The following RAD51B variants were observed in gnomAD, a reference collection of about 807,000 sequenced individuals.
RAD51B encodes DNA repair protein RAD51 homolog 2.
In RAD51B, 38 loss-of-function variants were observed where a neutral mutation model predicts 42.2. That is an observed-to-expected ratio of 0.90 (90% CI 0.70 to 1.18). The LOEUF is 1.18. RAD51B is among the 50% of genes most tolerant of loss of function. The pLI is 0.00. For missense variants in RAD51B, 373 were observed against 400.7 expected (o/e 0.93, Z 0.59); for synonymous variants, 154 against 145.2 (o/e 1.06, Z -0.43).
chr14:67,927,778 C>G (rs2044576027), intron 7 of RAD51B, among the ~76,000 whole-genome samples: 1 of 140,930 alleles, frequency 7.1e-6, no homozygotes, highest in African/African-American at 3.1e-5. Context: ...TATATATACA[C>G]ATATATAATG....
intron 7 of RAD51B, among the ~76,000 whole-genome samples, chr14:68,060,180 T>C (rs985167989): frequency 2.0e-5 from 3 of 152,224 alleles, no homozygotes; most frequent in Non-Finnish European, 4.4e-5. Flanking sequence ...TTAACACATT[T>C]CTGTTATAAA....
chr14:67,873,378 C>T (rs1187756795), intron 5 of RAD51B, among the ~76,000 whole-genome samples: 3 of 152,100 alleles, frequency 2.0e-5, no homozygotes. Context: ...CAACTCAAAA[C>T]CACAATGAGA....
rs75238246 is a variant in RAD51B at position 68,638,294 on chromosome 14, C to T, written c.1037-12487C>T. 9.2e-3 allele frequency among the ~76,000 whole-genome samples: 1,402 copies of T among 152,230 alleles called. 21 individuals are homozygous for T. Among genetic ancestry groups the T allele is most frequent in the African/African-American group, 0.032 (1,318 of 41,532 alleles). Reference sequence around the variant, plus strand: ...AGTGGGTGGGGACCTTCTTGGGGATCCAGCTGAAACAGAACTTTATTTTTA... The same window carrying T: ...AGTGGGTGGGGACCTTCTTGGGGATTCAGCTGAAACAGAACTTTATTTTTA... On this transcript the variant is annotated intron_variant, in intron 10 of 11. Transcript: ENST00000488612.
intron 7 of RAD51B, among the ~76,000 whole-genome samples, chr14:68,288,910 A>G (rs934336452): frequency 6.6e-6 from 1 of 152,254 alleles, no homozygotes; most frequent in African/African-American, 2.4e-5. Context: ...TAACTAAGAT[A>G]GACAAATACA....
intron 3 of RAD51B, among the ~76,000 whole-genome samples, chr14:67,828,803 TG>T (rs2040924237): frequency 6.6e-6 from 1 of 152,178 alleles, no homozygotes; most frequent in Admixed American, 6.5e-5. Flanking sequence ...GTTGTAGGTG[TG>T]CGGTCTTATT....
At chr14:68,191,881 G>A (rs1566718088) in intron 7 of RAD51B, among the ~76,000 whole-genome samples, 1 of 152,188 alleles carries the variant, frequency 6.6e-6, no homozygotes, top group African/African-American at 2.4e-5. Flanking sequence ...AATAACCTGA[G>A]TGGTTTACTC....
At chr14:68,519,266 T>C (rs998224755) in intron 10 of RAD51B, among the ~76,000 whole-genome samples, 2 of 152,194 alleles carry the variant, frequency 1.3e-5, no homozygotes, top group African/African-American at 4.8e-5. Flanking sequence ...AGAAATGAGG[T>C]GGGGCAGGAG....
intron 10 of RAD51B, among the ~76,000 whole-genome samples, chr14:68,535,091 G>A (rs938080203): frequency 2.0e-5 from 3 of 152,120 alleles, no homozygotes; most frequent in African/African-American, 7.2e-5. Flanking sequence ...TTTGGTTCTG[G>A]AGCCTCTGTA....
chr14:68,469,414 G>A (rs963889463), intron 10 of RAD51B, among the ~76,000 whole-genome samples: 3 of 152,198 alleles, frequency 2.0e-5, no homozygotes, highest in Non-Finnish European at 2.9e-5. Flanking sequence ...TTTGTTTGGT[G>A]CAGCTGAGCT....
intron 9 of RAD51B, among the ~76,000 whole-genome samples, chr14:68,450,537 A>G (rs117278524): frequency 3.3e-5 from 5 of 152,158 alleles, no homozygotes; most frequent in Non-Finnish European, 5.9e-5. Flanking sequence ...TTAAAAGACT[A>G]TATCTTCTGA....
intron 9 of RAD51B, among the ~76,000 whole-genome samples, chr14:68,413,828 A>G (rs555233124): frequency 1.7e-4 from 26 of 152,326 alleles, no homozygotes; most frequent in African/African-American, 6.3e-4. Context: ...GTACTTTCTT[A>G]TAACACCATT....
chr14:68,189,574 A>G (rs2079222560), intron 7 of RAD51B, among the ~76,000 whole-genome samples: 3 of 152,198 alleles, frequency 2.0e-5, no homozygotes, highest in South Asian at 4.1e-4. Context: ...TTGAGGTATT[A>G]AACAGCAGAG....
intron 9 of RAD51B, among the ~76,000 whole-genome samples, chr14:68,450,510 C>T (rs538606356): frequency 4.6e-5 from 7 of 152,232 alleles, no homozygotes; most frequent in East Asian, 1.9e-4. Flanking sequence ...TGAACCACCA[C>T]GCCTGGCCAG....
At chr14:67,952,731 A>T (rs1221399332) in intron 7 of RAD51B, among the ~76,000 whole-genome samples, 1 of 152,150 alleles carries the variant, frequency 6.6e-6, no homozygotes, top group African/African-American at 2.4e-5. Context: ...GAAGAGGGAA[A>T]GAAGCTCTTT....
chr14:68,169,595 A>T (rs1347715496), intron 7 of RAD51B, among the ~76,000 whole-genome samples: 1 of 152,140 alleles, frequency 6.6e-6, no homozygotes, highest in African/African-American at 2.4e-5. Context: ...CCCCAGTCTG[A>T]TATCTTGTAT....
At chr14:67,859,377 A>T (rs1595015079) in intron 4 of RAD51B, among the ~76,000 whole-genome samples, 1 of 152,276 alleles carries the variant, frequency 6.6e-6, no homozygotes, top group Non-Finnish European at 1.5e-5. Flanking sequence ...GTCAGAGCGG[A>T]TGCTTCTCCT....
intron 4 of RAD51B, among the ~76,000 whole-genome samples, chr14:67,835,855 C>G (rs914699798): frequency 6.7e-6 from 1 of 149,540 alleles, no homozygotes; most frequent in Non-Finnish European, 1.5e-5. Flanking sequence ...GACCCTGTCT[C>G]AAAAAAAAGA....
chr14:68,589,556 T>C (rs1020912391), intron 10 of RAD51B, among the ~76,000 whole-genome samples: 5 of 152,234 alleles, frequency 3.3e-5, no homozygotes, highest in African/African-American at 1.2e-4. Flanking sequence ...GGCCAGGCCT[T>C]GGCTGAGCCC....
chr14:68,608,734 G>T (rs947611467), intron 10 of RAD51B, among the ~76,000 whole-genome samples: 1 of 152,164 alleles, frequency 6.6e-6, no homozygotes, highest in Non-Finnish European at 1.5e-5. Flanking sequence ...GAACAGAGCA[G>T]GCCCCCTTTG....
Sources: allele counts gnomAD v4.1 joint callset (sites outside exome capture counted in the v4.1 genomes callset), GRCh38; gene constraint gnomAD v4.1.1; transcripts MANE v1.5; gene names NCBI Gene and HGNC (gene_info 2026-07-23, HGNC 2026-07-21).